Variants in CFAP47 observed in about 807,000 individuals in gnomAD.
CFAP47 encodes the protein cilia- and flagella-associated protein 47.
A neutral mutation model predicts 148.1 loss-of-function variants in CFAP47; 29 were observed. That is an observed-to-expected ratio of 0.20 (90% CI 0.15 to 0.27). The LOEUF (loss-of-function observed/expected upper bound fraction) is 0.27, where lower values mean the gene tolerates loss of function less well. Ranked by LOEUF, CFAP47 falls within the 10% of genes least tolerant of loss-of-function variation. CFAP47 has a pLI of 1.00. For missense variants in CFAP47, 1,872 were observed against 1,697.5 expected (o/e 1.10, Z -1.81); for synonymous variants, 664 against 577.3 (o/e 1.15, Z -2.15).
chrX:35,983,864 T>A (rs947978741), intron 15 of CFAP47, among the ~76,000 whole-genome samples: 22 of 112,060 alleles, frequency 2.0e-4, no homozygotes, highest in African/African-American at 6.5e-4. Context: ...TATGGCTTGC[T>A]AGTAATTTGC....
chrX:36,244,257 G>A (rs1164552352), intron 48 of CFAP47, among the ~76,000 whole-genome samples: 6 of 111,393 alleles, frequency 5.4e-5, no homozygotes, highest in Non-Finnish European at 9.4e-5. Flanking sequence ...AAAGTTTACA[G>A]CACTAAAAGC....
intron 13 of CFAP47, among the ~76,000 whole-genome samples, chrX:35,972,177 T>C (rs1010521723): frequency 1.8e-5 from 2 of 111,439 alleles, no homozygotes; most frequent in Non-Finnish European, 3.8e-5. Context: ...AATTTAATTT[T>C]AGAATGCTGC....
intron 45 of CFAP47, among the ~76,000 whole-genome samples, chrX:36,210,522 C>T (rs1555989350): frequency 1.8e-5 from 2 of 112,055 alleles, no homozygotes; most frequent in Admixed American, 1.9e-4. Context: ...AATGTCTATT[C>T]GGATTTTTTA....
chrX:36,176,300 C>T (rs1939680427), intron 39 of CFAP47, among the ~76,000 whole-genome samples: 1 of 112,357 alleles, frequency 8.9e-6, no homozygotes, highest in African/African-American at 3.2e-5. Context: ...CGGAGCTGTT[C>T]CTATTCGGCC....
chrX:36,071,357 G>A (rs1357572274), intron 27 of CFAP47, among the ~76,000 whole-genome samples: 2 of 112,189 alleles, frequency 1.8e-5, no homozygotes, highest in East Asian at 5.6e-4. Flanking sequence ...ATTGAAATCT[G>A]TACAAAAATG....
chrX:36,091,334 A>G (rs1938181904), intron 30 of CFAP47, among the ~76,000 whole-genome samples: 1 of 111,179 alleles, frequency 9.0e-6, no homozygotes, highest in South Asian at 3.7e-4. Context: ...ATAAGTGACC[A>G]CTTACACACT....
At chrX:35,924,580 C>T (rs748339494) in intron 1 of CFAP47, among the ~76,000 whole-genome samples, 3 of 104,151 alleles carry the variant, frequency 2.9e-5, no homozygotes, top group East Asian at 6.2e-4. Context: ...TGTATATATG[C>T]GCATATATAC....
At chrX:36,377,123 C>A (rs1556023108) in intron 62 of CFAP47, among the ~76,000 whole-genome samples, 1 of 111,243 alleles carries the variant, frequency 9.0e-6, no homozygotes, top group African/African-American at 3.3e-5. Flanking sequence ...ATTTATAATC[C>A]TTTGGGTATA....
At chrX:36,256,782 A>G (rs1265323617) in intron 49 of CFAP47, among the ~76,000 whole-genome samples, 1 of 111,669 alleles carries the variant, frequency 9.0e-6, no homozygotes, top group African/African-American at 3.2e-5. Flanking sequence ...AAACCATGCA[A>G]ATGTGAGCTC....
At chrX:36,246,798 G>A (rs1276563126) in intron 48 of CFAP47, among the ~76,000 whole-genome samples, 1 of 111,772 alleles carries the variant, frequency 8.9e-6, no homozygotes, top group Non-Finnish European at 1.9e-5. Context: ...GTGGCTGAGA[G>A]AAAAGGGAAT....
At chrX:36,177,727 G>A (rs1490421943) in intron 39 of CFAP47, among the ~76,000 whole-genome samples, 52 of 112,130 alleles carry the variant, frequency 4.6e-4, no homozygotes, top group African/African-American at 1.7e-3. Flanking sequence ...CAATAGTACA[G>A]AATCTGATGT....
chrX:36,016,762 T>A (rs1382070796), intron 22 of CFAP47, among the ~76,000 whole-genome samples: 1 of 99,923 alleles, frequency 1.0e-5, no homozygotes, highest in African/African-American at 3.6e-5. Context: ...GTGGTTCTAC[T>A]AATTTACATT....
chrX:35,998,723 C>A (rs1382988072), intron 19 of CFAP47, among the ~76,000 whole-genome samples: 2 of 111,466 alleles, frequency 1.8e-5, no homozygotes, highest in Admixed American at 1.9e-4. Flanking sequence ...GGTAGACTGA[C>A]AAATACTAAG....
chrX:36,059,911 C>G (rs919425564), intron 26 of CFAP47, among the ~76,000 whole-genome samples: 7 of 110,981 alleles, frequency 6.3e-5, no homozygotes, highest in African/African-American at 2.3e-4. Context: ...TCTGTTAGTA[C>G]CCAGGATAGT....
rs752012083 is a variant in CFAP47, at chrX:35,970,903, G to C, written c.1950G>C (p.Leu650Phe). The C allele has an allele frequency of 5.0e-6, 6 of 1,193,650 alleles. No individual in the cohort carries two copies. The South Asian group carries it at 1.1e-4, about 22-fold the overall frequency. ...TTAAATATTTAAGAAGTGTGCGCTT[G>C]CAGAAGAAACAAGCAGAGAGGTAAT... is the stretch of plus-strand genomic sequence containing the variant. ...MYLKYLRSVR[L>F]QKKQAERERM... Residue 650 changes from leucine to phenylalanine, a missense_variant, in exon 11 of 64, where the codon TTG (leucine) becomes TTC (phenylalanine). Physicochemically the swap from Leu to Phe is conservative, Grantham distance 22 (BLOSUM62 0). Coordinates refer to ENST00000378653, the MANE Select transcript of CFAP47 (RefSeq NM_001304548.2).
chrX:36,123,500 G>A (rs1938783290), intron 33 of CFAP47, among the ~76,000 whole-genome samples: 1 of 111,624 alleles, frequency 9.0e-6, no homozygotes, highest in Admixed American at 9.5e-5. Flanking sequence ...CTAAAACTAT[G>A]AGACACAGTC....
At chrX:36,098,665 T>C in intron 30 of CFAP47, 128 bp from the exon 31 acceptor site, 2 of 347,016 alleles carry the variant, frequency 5.8e-6, no homozygotes, top group Middle Eastern at 9.2e-4. Flanking sequence ...ATATAACTTT[T>C]AAATTTGAAA....
chrX:36,140,648 A>T (rs898087017), intron 35 of CFAP47, among the ~76,000 whole-genome samples: 19 of 111,779 alleles, frequency 1.7e-4, no homozygotes, highest in African/African-American at 6.2e-4. Flanking sequence ...ATGAACTTAT[A>T]CATAATGAAT....
Position 35,993,331 on chromosome X carries a change from T to C in CFAP47, c.3099+10T>C. Reference sequence around the variant, plus strand: ...TGATACAAGAGCAAAGGTATGTCCATACATATGAGTTTTTGCACCTTACAT... The same window carrying C: ...TGATACAAGAGCAAAGGTATGTCCACACATATGAGTTTTTGCACCTTACAT... On this transcript the variant is annotated intron_variant, in intron 18 of 63. Coordinates refer to ENST00000378653, the MANE Select transcript of CFAP47 (RefSeq NM_001304548.2). 3.4e-6 allele frequency: 1 copy of C among 293,129 alleles called. No individual in the cohort carries two copies. Among genetic ancestry groups the C allele is most frequent in the Non-Finnish European group, 6.0e-6 (1 of 167,375 alleles). The allele number at this position is 293,129 out of a possible 1,213,427, so 24.2% of individuals were successfully genotyped here.
Sources: allele counts gnomAD v4.1 joint callset (sites outside exome capture counted in the v4.1 genomes callset), GRCh38; gene constraint gnomAD v4.1.1; transcripts MANE v1.5; gene names NCBI Gene and HGNC (gene_info 2026-07-23, HGNC 2026-07-21).